The following DOCK11 variants were observed in gnomAD, a reference collection of about 807,000 sequenced individuals.
The protein encoded by DOCK11 is dedicator of cytokinesis protein 11.
In DOCK11, 70 loss-of-function variants were observed where a neutral mutation model predicts 169.1. That is an observed-to-expected ratio of 0.41 (90% CI 0.34 to 0.51). The LOEUF (loss-of-function observed/expected upper bound fraction) is 0.51, where lower values mean the gene tolerates loss of function less well. Ranked by LOEUF, DOCK11 falls within the 20% of genes least tolerant of loss-of-function variation. The probability of loss-of-function intolerance (pLI) is 0.10; values close to 1 mark genes in which losing one functional copy is unlikely to be tolerated. For missense variants in DOCK11, 1,166 were observed against 1,538.8 expected, an observed-to-expected ratio of 0.76 and a Z score of 4.05; for synonymous variants, 529 against 541.3, an observed-to-expected ratio of 0.98 and a Z score of 0.32.
rs1412531892 is a variant in DOCK11, at chrX:118,638,123, G to A, written c.3997G>A (p.Ala1333Thr). Reference sequence around the variant, plus strand: ...TAGATATATGGGGAAAAGAAACATAGCAAGGTAATTCCCATAGCACTGCAA... The same window carrying A: ...TAGATATATGGGGAAAAGAAACATAACAAGGTAATTCCCATAGCACTGCAA... ...HFRYMGKRNI[A>T]RVHDAWLSKH... The change falls in exon 37 of 53, where the codon GCA becomes ACA. Residue 1333 changes from alanine to threonine, a missense_variant. Physicochemically the swap from Ala to Thr is moderately conservative, Grantham distance 58. Coordinates refer to ENST00000276202, the MANE Select transcript of DOCK11 (RefSeq NM_144658.4). 9 of 1,206,328 alleles carry A rather than the reference G, an allele frequency of 7.5e-6. No homozygotes were observed. The highest frequency in any genetic ancestry group is 2.2e-5 in the Admixed American group (1 of 45,772).
intron 35 of DOCK11, chrX:118,633,912 G>A (rs1441455229): frequency 8.9e-6 from 1 of 112,723 alleles, no homozygotes; most frequent in African/African-American, 3.2e-5. Flanking sequence ...TCTTTAGTGA[G>A]TTCCGCAATA....
chrX:118,638,145 G>T lies in DOCK11; in HGVS notation c.4001+18G>T, dbSNP rs1476953619. 8.4e-7 allele frequency: 1 copy of T among 1,194,321 alleles called. No individual in the cohort carries two copies. Among genetic ancestry groups the T allele is most frequent in the African/African-American group, 1.8e-5 (1 of 56,893 alleles). On this transcript the variant is annotated intron_variant, in intron 37 of 52. Transcript: ENST00000276202. ...ATAGCAAGGTAATTCCCATAGCACTGCAATTTCTACTTTTTCCTTCTCTTC... is the reference window on the plus strand; with the variant it reads ...ATAGCAAGGTAATTCCCATAGCACTTCAATTTCTACTTTTTCCTTCTCTTC...
chrX:118,676,767 T>A (rs963898517), intron 48 of DOCK11, 30 bp downstream of exon 48: 3 of 1,151,189 alleles, frequency 2.6e-6, no homozygotes, highest in East Asian at 3.1e-5. Context: ...TTGAAATCAT[T>A]ATTTGTTAGT....
rs746600398 is a variant in DOCK11 at position 118,610,518 on chromosome X, C to T, written c.3096+100C>T. 21 of 965,443 alleles carry T rather than the reference C, an allele frequency of 2.2e-5. No homozygotes were observed. The East Asian group carries it at 6.0e-4, about 28-fold the overall frequency. 79.6% of individuals were successfully genotyped at this position (965,443 alleles called of 1,213,427 possible). On this transcript the variant is annotated intron_variant, in intron 28 of 52. Coordinates refer to ENST00000276202, the MANE Select transcript of DOCK11 (RefSeq NM_144658.4). The stretch of plus-strand genomic sequence containing the variant: ...CTTTCTAGAGGCTCAGCTAGGTCTT[C>T]ATAAGACTGTTGGAAAACTTAGGTT...
intron 6 of DOCK11, among the ~76,000 whole-genome samples, chrX:118,560,239 A>G (rs1368016780): frequency 1.8e-5 from 2 of 111,748 alleles, no homozygotes; most frequent in East Asian, 5.6e-4. Flanking sequence ...TGGTCATGCT[A>G]TGGAGAAATA....
In DOCK11 at chrX:118,568,370, TTATATATATATATATATATATATATA is replaced by T. The variant is rs397839351; in HGVS notation, c.1035+238_1035+263del. Among the ~76,000 whole-genome samples, 136 of 36,734 alleles carry T rather than the reference TTATATATATATATATATATATATATA, an allele frequency of 3.7e-3. 2 individuals carry two copies. Among genetic ancestry groups the T allele is most frequent in the East Asian group, 0.013 (8 of 627 alleles). The allele number at this position is 36,734 out of a possible 115,157, so 31.9% of individuals were successfully genotyped here. On this transcript the variant is annotated intron_variant, in intron 10 of 52. Coordinates refer to ENST00000276202, the MANE Select transcript of DOCK11 (RefSeq NM_144658.4). ...CATATGCAGATAATTTGGGGCTGAA[TTATATATATATATATATATATATATA>T]TATATATATATATATATATATATAT...
At chrX:118,588,102 T>C in intron 16 of DOCK11, 35 bp from the exon 17 acceptor site, 1 of 1,071,030 alleles carries the variant, frequency 9.3e-7, no homozygotes. Flanking sequence ...ATTATTAAAC[T>C]GAATGATCTT....
intron 1 of DOCK11, among the ~76,000 whole-genome samples, chrX:118,497,764 T>G (rs1277334135): frequency 3.6e-5 from 4 of 112,463 alleles, no homozygotes; most frequent in Non-Finnish European, 7.5e-5. Flanking sequence ...TGAGCGGGGT[T>G]GGCTGGCCTT....
chrX:118,671,861 T>C (rs1254358408), intron 46 of DOCK11, among the ~76,000 whole-genome samples: 1 of 112,021 alleles, frequency 8.9e-6, no homozygotes, highest in Admixed American at 9.4e-5. Context: ...GTATTATTAG[T>C]AGAGACGGGG....
At chrX:118,665,245 AAT>A (rs1448716329) in intron 45 of DOCK11, among the ~76,000 whole-genome samples, 1 of 112,577 alleles carries the variant, frequency 8.9e-6, no homozygotes, top group African/African-American at 3.2e-5. Flanking sequence ...AGATACTTAA[AAT>A]ATGTTTGTTG....
chrX:118,602,939 G>A (rs750756872), intron 23 of DOCK11, among the ~76,000 whole-genome samples: 1 of 112,114 alleles, frequency 8.9e-6, no homozygotes, highest in South Asian at 3.7e-4. Context: ...AATCAAATGG[G>A]GAACAGTTTA....
At chrX:118,608,417 C>T in intron 26 of DOCK11, 61 bp downstream of exon 26, 1 of 1,111,269 alleles carries the variant, frequency 9.0e-7, no homozygotes, top group South Asian at 2.2e-5. Context: ...TTTTGATACC[C>T]TCCCGTTTCA....
intron 1 of DOCK11, among the ~76,000 whole-genome samples, chrX:118,534,869 T>G (rs1603038941): frequency 8.9e-6 from 1 of 111,734 alleles, no homozygotes; most frequent in East Asian, 2.8e-4. Flanking sequence ...GTACTGTTGT[T>G]TTTTTTTGTA....
intron 5 of DOCK11, 55 bp from the exon 6 acceptor site, chrX:118,545,966 C>T (rs1172285922): frequency 2.2e-6 from 2 of 891,185 alleles, no homozygotes; most frequent in Non-Finnish European, 3.3e-6. Context: ...AAATGTTTCG[C>T]TAATTAGATG....
intron 35 of DOCK11, among the ~76,000 whole-genome samples, chrX:118,635,806 T>A (rs2015373327): frequency 9.0e-6 from 1 of 111,556 alleles, no homozygotes; most frequent in Non-Finnish European, 1.9e-5. Flanking sequence ...CAGGTTGGCC[T>A]CGAGCTCCTG....
chrX:118,638,004 T>C lies in DOCK11; in HGVS notation c.3954-76T>C, dbSNP rs1050891948. 6 of 864,738 alleles carry C rather than the reference T, an allele frequency of 6.9e-6. No individual in the cohort carries two copies. In the African/African-American group the frequency reaches 1.0e-4, roughly 14 times the overall value. The allele number at this position is 864,738 out of a possible 1,213,427, so 71.3% of individuals were successfully genotyped here. On this transcript the variant is annotated intron_variant, in intron 36 of 52. Coordinates refer to ENST00000276202, the MANE Select transcript of DOCK11 (RefSeq NM_144658.4). ...TAAATAGGCTATTCTTTGTAACTTA[T>C]GACTTTTAAAATATCACTTGTTAAT... is the stretch of plus-strand genomic sequence containing the variant.
chrX:118,651,738 C>T (rs1373976292), intron 41 of DOCK11, among the ~76,000 whole-genome samples: 2 of 111,789 alleles, frequency 1.8e-5, no homozygotes, highest in South Asian at 3.7e-4. Context: ...AAATTGTTTA[C>T]GTCTAACCAA....
chrX:118,534,454 G>T (rs984509588), intron 1 of DOCK11, among the ~76,000 whole-genome samples: 1 of 112,150 alleles, frequency 8.9e-6, no homozygotes, highest in Admixed American at 9.5e-5. Context: ...TTTGTAAATA[G>T]TTAAATAGAC....
intron 42 of DOCK11, 41 bp downstream of exon 42, chrX:118,652,118 C>G: frequency 1.1e-6 from 1 of 925,360 alleles, no homozygotes; most frequent in Non-Finnish European, 1.5e-6. Context: ...ACCACCTTTG[C>G]TATCAGGGAA....
Sources: gnomAD v4.1 joint callset for allele counts (sites outside exome capture counted in the v4.1 genomes callset) on GRCh38, gnomAD v4.1.1 for gene constraint, MANE v1.5 for transcripts, NCBI Gene and HGNC (gene_info 2026-07-23, HGNC 2026-07-21) for gene names.